Variants in SOX7 observed in about 807,000 individuals in gnomAD.
The protein encoded by SOX7 is transcription factor SOX-7.
SOX7 carries 19 observed loss-of-function variants against 24.9 expected under a neutral mutation model. The ratio of observed to expected loss-of-function variants is 0.76; its 90% CI spans 0.53 to 1.12. The LOEUF (loss-of-function observed/expected upper bound fraction) is 1.12, where lower values mean the gene tolerates loss of function less well. SOX7 is among the 50% of genes most tolerant of loss of function. The pLI, the probability that SOX7 is intolerant of heterozygous loss-of-function variation, is 0.00. For missense variants in SOX7, 702 were observed against 535.0 expected, an observed-to-expected ratio of 1.31 and a Z score of -3.08; for synonymous variants, 327 against 244.5, an observed-to-expected ratio of 1.34 and a Z score of -3.15.
rs1037019040 is a variant in SOX7 at position 10,723,859 on chromosome 8, C to T, written c.*1879G>A. 5.9e-5 allele frequency: 9 copies of T among 152,622 alleles called. No homozygotes were observed. Among genetic ancestry groups the T allele is most frequent in the South Asian group, 2.1e-4 (1 of 4,820 alleles). The allele number at this position is 152,622 out of a possible 1,614,324, so 9.5% of individuals were successfully genotyped here. A position where few individuals can be genotyped will look rare whatever the true frequency, so the allele number is the denominator to read the frequency against. ...AGTATGAGTTGTTCTTTCAAAAAAA[C>T]GAAACAGTTTAGCTTAATGTCTGTG... On this transcript the variant is annotated 3_prime_UTR_variant, in exon 2 of 2. Coordinates refer to ENST00000304501, the MANE Select transcript of SOX7 (RefSeq NM_031439.4).
chr8:10,727,635 G>A (rs1800180851), intron 1 of SOX7, among the ~76,000 whole-genome samples: 1 of 152,112 alleles, frequency 6.6e-6, no homozygotes, highest in Non-Finnish European at 1.5e-5. Flanking sequence ...AGTTCCCGGA[G>A]CATCTTCCCT....
intron 1 of SOX7, among the ~76,000 whole-genome samples, chr8:10,728,382 G>C (rs1289789591): frequency 2.6e-5 from 4 of 152,166 alleles, no homozygotes; most frequent in African/African-American, 7.2e-5. Context: ...CGCATATCCA[G>C]CCTTTTCCTC....
chr8:10,729,286 C>G (rs1180601232), intron 1 of SOX7: 1 of 152,380 alleles, frequency 6.6e-6, no homozygotes, highest in Admixed American at 6.5e-5. Flanking sequence ...GAGCCGGCCT[C>G]GGGTGCCCTT....
chr8:10,730,470 C>A lies in SOX7; in HGVS notation c.-37G>T. 2 of 1,388,398 alleles carry A rather than the reference C, an allele frequency of 1.4e-6. No individual in the cohort carries two copies. Among genetic ancestry groups the A allele is most frequent in the Non-Finnish European group, 9.4e-7 (1 of 1,069,070 alleles). 86.0% of individuals were successfully genotyped at this position (1,388,398 alleles called of 1,614,324 possible). A position where few individuals can be genotyped will look rare whatever the true frequency, so the allele number is the denominator to read the frequency against. On this transcript the variant is annotated 5_prime_UTR_variant, in exon 1 of 2. Coordinates refer to ENST00000304501, the MANE Select transcript of SOX7 (RefSeq NM_031439.4). This position sits in a 1 kb window ranked among gnomAD's most constrained non-coding sequence, Gnocchi z 4.8. Reference sequence around the variant, plus strand: ...GGTCGCCTCGCTTCGCCTGGCGGGGCAGGCGCGGACCTGGCCCTCGCACGG... The same window carrying A: ...GGTCGCCTCGCTTCGCCTGGCGGGGAAGGCGCGGACCTGGCCCTCGCACGG...
chr8:10,730,124 C>G lies in SOX7; in HGVS notation c.238+72G>C, dbSNP rs561893365. 4.5e-4 allele frequency: 529 copies of G among 1,169,674 alleles called. 3 individuals are homozygous for G. In the African/African-American group the frequency reaches 7.2e-3, roughly 16 times the overall value. 72.5% of individuals were successfully genotyped at this position (1,169,674 alleles called of 1,614,324 possible). ...CTTCCCCAGGCTCCGCGCTCGCACC[C>G]GCCCTGCAGTGCCGCCAGCCGCCCG... On this transcript the variant is annotated intron_variant, in intron 1 of 1. Transcript: ENST00000304501. This position sits in a 1 kb window ranked among gnomAD's most constrained non-coding sequence, Gnocchi z 4.8.
rs1164212318 is a variant in SOX7, at chr8:10,730,112, C to T, written c.238+84G>A. 2.8e-6 allele frequency: 3 copies of T among 1,067,476 alleles called. No individual in the cohort carries two copies. Among genetic ancestry groups the T allele is most frequent in the African/African-American group, 1.7e-5 (1 of 59,702 alleles). 66.1% of individuals were successfully genotyped at this position (1,067,476 alleles called of 1,614,324 possible). On this transcript the variant is annotated intron_variant, in intron 1 of 1. Coordinates refer to ENST00000304501, the MANE Select transcript of SOX7 (RefSeq NM_031439.4). This position sits in a 1 kb window ranked among gnomAD's most constrained non-coding sequence, Gnocchi z 4.8. ...CGCGTGCCGGGTCTTCCCCAGGCTC[C>T]GCGCTCGCACCCGCCCTGCAGTGCC...
At chr8:10,728,660 G>A (rs910296030) in intron 1 of SOX7, among the ~76,000 whole-genome samples, 6 of 152,184 alleles carry the variant, frequency 3.9e-5, no homozygotes, top group African/African-American at 7.2e-5. Flanking sequence ...CCCTGTCCCT[G>A]CCCCTTTCCT....
rs1586081360 is a variant in SOX7, at chr8:10,726,389, G to A, written c.516C>T (p.Pro172=). ...CCTCGTGGTAGCAGCCCCGGAGGCTGGGCAGGGCAGTGCCGGGGGAGTACT... is the reference window on the plus strand; with the variant it reads ...CCTCGTGGTAGCAGCCCCGGAGGCTAGGCAGGGCAGTGCCGGGGGAGTACT... The part of the protein sequence containing the change: ...RGEYSPGTAL[P]SLRGCYHEGP... Residue 172 remains proline, a synonymous_variant, in exon 2 of 2, where the codon CCC becomes CCT. Coordinates refer to ENST00000304501, the MANE Select transcript of SOX7 (RefSeq NM_031439.4). 6.2e-7 allele frequency: 1 copy of A among 1,612,338 alleles called. No individual in the cohort carries two copies. Among genetic ancestry groups the A allele is most frequent in the South Asian group, 1.1e-5 (1 of 90,982 alleles).
chr8:10,729,183 C>G (rs1471475904), intron 1 of SOX7: 1 of 152,172 alleles, frequency 6.6e-6, no homozygotes, highest in African/African-American at 2.4e-5. Flanking sequence ...GTCCTATCCC[C>G]AAAGTTCCGC....
rs1307841814 is a variant in SOX7, at chr8:10,726,008, G to C, written c.897C>G (p.His299Gln). The C allele has an allele frequency of 6.3e-7, 1 of 1,590,526 alleles. No homozygotes were observed. Among genetic ancestry groups the C allele is most frequent in the South Asian group, 1.2e-5 (1 of 86,032 alleles). The change falls in exon 2 of 2, where the codon CAC becomes CAG. Residue 299 changes from histidine (H) to glutamine (Q), a missense_variant. Transcript: ENST00000304501. ...CAGGAGGCGGGGAAAGCTGGCCCAG[G>C]TGGGCTTGGAGGTTGGAGTGGAGTG... is the stretch of plus-strand genomic sequence containing the variant. ...YHPLHSNLQA[H>Q]LGQLSPPPEH...
At chr8:10,727,817 G>A (rs545536250) in intron 1 of SOX7, among the ~76,000 whole-genome samples, 7 of 152,354 alleles carry the variant, frequency 4.6e-5, no homozygotes, top group South Asian at 4.1e-4. Context: ...CTAGCCTAGA[G>A]GTTAAGGCCT....
chr8:10,725,549 T>C lies in SOX7; in HGVS notation c.*189A>G, dbSNP rs1345978759. ...AATGTGGGCTGCAGGGGCTGGAACG[T>C]GGGGAAGGGGATAGAGGCGGCACTC... On this transcript the variant is annotated 3_prime_UTR_variant, in exon 2 of 2. Coordinates refer to ENST00000304501, the MANE Select transcript of SOX7 (RefSeq NM_031439.4). The C allele has an allele frequency of 4.9e-6, 3 of 608,366 alleles. No homozygotes were observed. The highest frequency in any genetic ancestry group is 1.9e-5 in the African/African-American group (1 of 53,766). 37.7% of individuals were successfully genotyped at this position (608,366 alleles called of 1,614,324 possible).
Position 10,726,360 on chromosome 8 carries a change from G to T in SOX7, c.545C>A (p.Pro182Gln). The stretch of plus-strand genomic sequence containing the variant: ...GGTGCCGCCGCCGCCACCACCAGCC[G>T]GCCCCTCGTGGTAGCAGCCCCGGAG... ...PSLRGCYHEG[P>Q]AGGGGGGTPS... is the part of the protein sequence containing the mutation. Residue 182 changes from proline to glutamine, a missense_variant, in exon 2 of 2, where the codon CCG (proline) becomes CAG (glutamine). Pro to Gln is a moderately conservative substitution (Grantham distance 76, BLOSUM62 -1). Transcript: ENST00000304501. 1 of 1,612,802 alleles carries T rather than the reference G, an allele frequency of 6.2e-7. No homozygotes were observed. Among genetic ancestry groups the T allele is most frequent in the African/African-American group, 1.3e-5 (1 of 75,014 alleles).
rs931330595 is a variant in SOX7 at position 10,724,325 on chromosome 8, G to C, written c.*1413C>G. The stretch of plus-strand genomic sequence containing the variant: ...GAGGACTTTGCCTGAGGACCTGGCT[G>C]GTGAGGAAGACAAATTCTCACAGCA... On this transcript the variant is annotated 3_prime_UTR_variant, in exon 2 of 2. Transcript: ENST00000304501. 6.6e-6 allele frequency: 1 copy of C among 152,170 alleles called. No homozygotes were observed. The allele number at this position is 152,170 out of a possible 1,614,324, so 9.4% of individuals were successfully genotyped here.
Position 10,726,443 on chromosome 8 carries a change from C to CT in SOX7, c.461_462insA (p.Ala155GlyfsTer10). On this transcript the variant is annotated frameshift_variant, in exon 2 of 2. Transcript: ENST00000304501. LOFTEE classifies it high-confidence loss of function. ...CCCTGTCCTCCTTCTCCCCCAGCGC[C>CT]CCCCGGCTGCCGCTTCTCTTCTCCG... 1 of 1,612,202 alleles carries CT rather than the reference C, an allele frequency of 6.2e-7. No individual in the cohort carries two copies. Among genetic ancestry groups the CT allele is most frequent in the Non-Finnish European group, 8.5e-7 (1 of 1,179,706 alleles).
rs1800238500 is a variant in SOX7, at chr8:10,730,386, G to A, written c.48C>T (p.Cys16=). Residue 16 remains cysteine, a synonymous_variant, in exon 1 of 2, where the codon TGC becomes TGT. Transcript: ENST00000304501. The surrounding 1 kb of genome is among the most constrained non-coding windows in gnomAD (Gnocchi z 4.8). The part of the protein sequence containing the change: ...GAYPWPEGLE[C]PALDAELSDG... ...CCGACAGCTCGGCGTCCAGGGCCGG[G>A]CACTCGAGACCCTCGGGCCAAGGGT... 13 of 1,535,054 alleles carry A rather than the reference G, an allele frequency of 8.5e-6. No individual in the cohort carries two copies. Among genetic ancestry groups the A allele is most frequent in the Non-Finnish European group, 1.1e-5 (13 of 1,146,522 alleles).
intron 1 of SOX7, among the ~76,000 whole-genome samples, chr8:10,728,627 C>T (rs1157065414): frequency 6.6e-6 from 1 of 152,236 alleles, no homozygotes; most frequent in Non-Finnish European, 1.5e-5. Flanking sequence ...GACCAACTCG[C>T]AGGAAGCATC....
In SOX7 at chr8:10,730,177, C is replaced by T. The variant is rs771409658; in HGVS notation, c.238+19G>A. 1 of 1,490,400 alleles carries T rather than the reference C, an allele frequency of 6.7e-7. No homozygotes were observed. Among genetic ancestry groups the T allele is most frequent in the Non-Finnish European group, 8.9e-7 (1 of 1,125,424 alleles). The allele number at this position is 1,490,400 out of a possible 1,614,324, so 92.3% of individuals were successfully genotyped here. A position where few individuals can be genotyped will look rare whatever the true frequency, so the allele number is the denominator to read the frequency against. On this transcript the variant is annotated intron_variant, in intron 1 of 1. Transcript: ENST00000304501. The surrounding 1 kb of genome is among the most constrained non-coding windows in gnomAD (Gnocchi z 4.8). ...GCCCGCCCCCGGCCCCCAGCCCGCT[C>T]GGCCGCGCGCTCACTCACCCAGCAT...
At position 10,726,377 on chromosome 8, in the gene SOX7, GC is replaced by G; in HGVS notation, c.527del (p.Gly176AlafsTer95). The G allele has an allele frequency of 6.2e-7, 1 of 1,612,536 alleles. No homozygotes were observed. The highest frequency in any genetic ancestry group is 8.5e-7 in the Non-Finnish European group (1 of 1,179,406). ...CACCAGCCGGCCCCTCGTGGTAGCA[GC>G]CCCGGAGGCTGGGCAGGGCAGTGCC... ...SPGTALPSLR[G>X]CYHEGPAGGG... On this transcript the variant is annotated frameshift_variant, in exon 2 of 2. Transcript: ENST00000304501. LOFTEE classifies it high-confidence loss of function.
Sources: allele counts gnomAD v4.1 joint callset (sites outside exome capture counted in the v4.1 genomes callset), GRCh38; gene constraint gnomAD v4.1.1; non-coding constraint Gnocchi (gnomAD v3.1); transcripts MANE v1.5; gene names NCBI Gene and HGNC (gene_info 2026-07-23, HGNC 2026-07-21).